The following DEFB110 variants were observed in gnomAD, a reference collection of about 807,000 sequenced individuals.
The protein encoded by DEFB110 is defensin beta 110, also known as beta-defensin 110.
DEFB110 carries 4 observed loss-of-function variants against 2.5 expected under a neutral mutation model. The ratio of observed to expected loss-of-function variants is 1.60; its 90% CI spans 0.79 to 3.66. DEFB110 has a LOEUF of 3.66. Ranked by LOEUF, DEFB110 falls within the 30% of genes most tolerant of loss-of-function variation. The pLI is 0.01. For synonymous variants in DEFB110, 29 were observed against 21.8 expected (o/e 1.33, Z -0.92); for missense variants, 94 against 75.4 (o/e 1.25, Z -0.91).
At chr6:50,009,246 A>G (rs1044039440) in exon 2 of DEFB110, 17 of 1,602,792 alleles carry the variant, frequency 1.1e-5, no homozygotes, top group Non-Finnish European at 1.4e-5. Context: ...TTTCAAATCT[A>G]TACTTTGGTT....
chr6:50,011,869 G>A (rs981945971), intron 1 of DEFB110, among the ~76,000 whole-genome samples: 7 of 152,018 alleles, frequency 4.6e-5, no homozygotes, highest in Admixed American at 2.6e-4. Flanking sequence ...AAGCAAGGCC[G>A]TGGGTCAGTT....
downstream of DEFB110, among the ~76,000 whole-genome samples, chr6:50,014,353 G>A (rs372375863): frequency 4.0e-5 from 6 of 151,780 alleles, no homozygotes; most frequent in East Asian, 7.8e-4. Flanking sequence ...TTCTTTTCAA[G>A]AAATTCGATG....
intron 1 of DEFB110, among the ~76,000 whole-genome samples, chr6:50,020,771 A>G (rs1036914768): frequency 2.6e-5 from 4 of 152,234 alleles, no homozygotes; most frequent in Non-Finnish European, 5.9e-5. Flanking sequence ...ACTTAAAGAA[A>G]CAAAAGCATA....
downstream of DEFB110, chr6:50,018,714 T>G (rs935074717): frequency 1.2e-6 from 1 of 836,962 alleles, no homozygotes; most frequent in Non-Finnish European, 1.5e-6. Context: ...TTGTGGAACT[T>G]GTGGAACATG....
exon 2 of DEFB110, chr6:50,009,174 T>A: frequency 6.2e-7 from 1 of 1,611,470 alleles, no homozygotes; most frequent in Non-Finnish European, 8.5e-7. Context: ...TAATGCAGTA[T>A]CCATAATCAT....
downstream of DEFB110, among the ~76,000 whole-genome samples, chr6:50,015,581 A>G (rs568000212): frequency 4.0e-5 from 6 of 151,890 alleles, no homozygotes; most frequent in South Asian, 8.3e-4. Context: ...TAAAATTACT[A>G]TAGCCCAGGA....
chr6:50,021,773 G>T, intron 1 of DEFB110, 108 bp downstream of exon 1: 4 of 1,025,002 alleles, frequency 3.9e-6, no homozygotes, highest in Non-Finnish European at 5.6e-6. Context: ...TTACATTTTT[G>T]TGAAATGATG....
intron 1 of DEFB110, among the ~76,000 whole-genome samples, chr6:50,010,632 T>TA (rs70974504): frequency 0.063 from 9,574 of 150,898 alleles, 472 homozygotes; most frequent in Middle Eastern, 0.14. Context: ...TATATATATA[T>TA]TTTTTTAGTG....
At chr6:50,011,421 C>T (rs558877683) in intron 1 of DEFB110, among the ~76,000 whole-genome samples, 7 of 152,092 alleles carry the variant, frequency 4.6e-5, no homozygotes, top group African/African-American at 1.4e-4. Context: ...TAAAAAGAGA[C>T]ATTCAAATGC....
downstream of DEFB110, chr6:50,018,717 GGAACAT>G (rs1195683869): frequency 3.5e-6 from 3 of 862,528 alleles, no homozygotes; most frequent in East Asian, 1.5e-4. Flanking sequence ...TGGAACTTGT[GGAACAT>G]GAAGCACTGA....
downstream of DEFB110, among the ~76,000 whole-genome samples, chr6:50,016,876 G>C (rs750538546): frequency 6.6e-6 from 1 of 151,652 alleles, no homozygotes; most frequent in South Asian, 2.1e-4. Context: ...GATGGTTTTC[G>C]TGCTCTCTGT....
At chr6:50,019,737 T>A (rs933761724) in intron 1 of DEFB110, among the ~76,000 whole-genome samples, 1 of 151,686 alleles carries the variant, frequency 6.6e-6, no homozygotes, top group African/African-American at 2.4e-5. Flanking sequence ...TTACCAGTGA[T>A]ACCTTTTTTT....
At chr6:50,018,599 G>C (rs769849372), downstream of DEFB110, among the ~76,000 whole-genome samples, 10 of 151,882 alleles carry the variant, frequency 6.6e-5, no homozygotes, top group African/African-American at 2.4e-4. Context: ...AAATAACAGC[G>C]CATTTCCACT....
downstream of DEFB110, among the ~76,000 whole-genome samples, chr6:50,015,037 G>A (rs1473682626): frequency 6.6e-6 from 1 of 151,706 alleles, no homozygotes; most frequent in East Asian, 1.9e-4. Flanking sequence ...ACCAAAATTT[G>A]TTACACCTAA....
At chr6:50,017,863 C>CAT (rs1233557989), downstream of DEFB110, among the ~76,000 whole-genome samples, 1 of 151,674 alleles carries the variant, frequency 6.6e-6, no homozygotes, top group Non-Finnish European at 1.5e-5. Context: ...TTTTGATTTA[C>CAT]CATCTCCTTT....
At chr6:50,015,967 T>C (rs2113939954), downstream of DEFB110, among the ~76,000 whole-genome samples, 1 of 151,960 alleles carries the variant, frequency 6.6e-6, no homozygotes, top group South Asian at 2.1e-4. Flanking sequence ...AATCAGTTTG[T>C]AGTCAATCAA....
At chr6:50,011,138 T>A (rs1038346378) in intron 1 of DEFB110, among the ~76,000 whole-genome samples, 1 of 151,544 alleles carries the variant, frequency 6.6e-6, no homozygotes, top group African/African-American at 2.4e-5. Context: ...CCCTTTGTAT[T>A]GTTATGAAAA....
At chr6:50,018,558 G>A (rs552401139), downstream of DEFB110, among the ~76,000 whole-genome samples, 28 of 151,968 alleles carry the variant, frequency 1.8e-4, no homozygotes, top group Admixed American at 3.3e-4. Context: ...ATATATTTAC[G>A]TGGGGGTAAT....
downstream of DEFB110, among the ~76,000 whole-genome samples, chr6:50,016,885 G>A (rs967581945): frequency 2.0e-5 from 3 of 151,690 alleles, no homozygotes; most frequent in African/African-American, 4.8e-5. Flanking sequence ...CGTGCTCTCT[G>A]TCAAGCACTG....
Sources: allele counts gnomAD v4.1 joint callset (sites outside exome capture counted in the v4.1 genomes callset), GRCh38; gene constraint gnomAD v4.1.1; transcripts MANE v1.5; gene names NCBI Gene and HGNC (gene_info 2026-07-23, HGNC 2026-07-21).